TMPRSS7: variants seen among roughly 807,000 people sequenced by gnomAD.
TMPRSS7 encodes the protein transmembrane serine protease 7, also known as transmembrane protease serine 7.
A neutral mutation model predicts 95.6 loss-of-function variants in TMPRSS7; 81 were observed. The observed-to-expected ratio is 0.85, with a 90% confidence interval of 0.71 to 1.02. The LOEUF (loss-of-function observed/expected upper bound fraction) is 1.02, where lower values mean the gene tolerates loss of function less well. TMPRSS7 is among the 50% of genes least tolerant of loss of function. TMPRSS7 has a pLI of 0.00. For synonymous variants in TMPRSS7, 364 were observed against 337.8 expected (o/e 1.08, Z -0.85); for missense variants, 945 against 955.2 (o/e 0.99, Z 0.14).
intron 9 of TMPRSS7, among the ~76,000 whole-genome samples, chr3:112,052,252 G>A (rs551527124): frequency 5.3e-5 from 8 of 152,102 alleles, no homozygotes; most frequent in African/African-American, 1.9e-4. Context: ...GGACATTTGC[G>A]GATAAACCTG....
chr3:112,049,864 C>T (rs1307194115), exon 8 of TMPRSS7: 2 of 1,538,194 alleles, frequency 1.3e-6, no homozygotes, highest in African/African-American at 1.4e-5. Context: ...CCCACAAGAA[C>T]ATTAATGTCA....
intron 9 of TMPRSS7, among the ~76,000 whole-genome samples, chr3:112,054,564 T>G (rs1377522173): frequency 6.6e-6 from 1 of 152,132 alleles, no homozygotes. Flanking sequence ...GGAGGAACTC[T>G]GTGGATTGGA....
intron 11 of TMPRSS7, among the ~76,000 whole-genome samples, chr3:112,062,545 C>A (rs1475482249): frequency 1.3e-5 from 2 of 152,214 alleles, no homozygotes; most frequent in Non-Finnish European, 2.9e-5. Context: ...AGATTGCCCA[C>A]TGAAGAGTCC....
intron 12 of TMPRSS7, 29 bp downstream of exon 12, chr3:112,063,661 T>C (rs760227508): frequency 1.3e-6 from 2 of 1,556,220 alleles, no homozygotes; most frequent in Non-Finnish European, 1.8e-6. Flanking sequence ...AATATGACTT[T>C]CTTATGAATA....
At chr3:112,057,391 T>C (rs1304232191) in intron 10 of TMPRSS7, among the ~76,000 whole-genome samples, 1 of 152,014 alleles carries the variant, frequency 6.6e-6, no homozygotes, top group African/African-American at 2.4e-5. Context: ...TTCACAAGAG[T>C]ATTTGGCAGA....
chr3:112,043,600 T>C (rs1375792098), intron 3 of TMPRSS7, among the ~76,000 whole-genome samples: 3 of 152,226 alleles, frequency 2.0e-5, no homozygotes, highest in Non-Finnish European at 4.4e-5. Flanking sequence ...TGGGCAATTA[T>C]GTAAGTGGTT....
Position 112,047,788 on chromosome 3 carries a change from C to A in TMPRSS7, c.780C>A (p.Tyr260Ter). The change falls in exon 7 of 18, where the codon TAC (tyrosine) becomes TAA (stop). Residue 260 changes from tyrosine to a stop codon, truncating the protein, a stop_gained. Coordinates refer to ENST00000452346, the Ensembl canonical transcript of TMPRSS7. LOFTEE classifies it high-confidence loss of function. ...ATGCAGAGCATCTGTCTCTCCACTACCCGCTGGAGATTTCTGCAGCCTCAG... is the reference window on the plus strand; with the variant it reads ...ATGCAGAGCATCTGTCTCTCCACTAACCGCTGGAGATTTCTGCAGCCTCAG... 3 of 1,614,038 alleles carry A rather than the reference C, an allele frequency of 1.9e-6. No homozygotes were observed. Among genetic ancestry groups the A allele is most frequent in the Non-Finnish European group, 2.5e-6 (3 of 1,179,910 alleles).
intron 16 of TMPRSS7, among the ~76,000 whole-genome samples, chr3:112,077,511 C>A (rs957119813): frequency 1.3e-5 from 2 of 152,144 alleles, no homozygotes; most frequent in African/African-American, 4.8e-5. Flanking sequence ...GAGAAGGACA[C>A]ACATGCACAT....
At chr3:112,077,191 T>A in intron 16 of TMPRSS7, 47 bp downstream of exon 16, 1 of 1,592,992 alleles carries the variant, frequency 6.3e-7, no homozygotes, top group Non-Finnish European at 8.6e-7. Flanking sequence ...CAGAGGATGA[T>A]AAGGTGTTTA....
chr3:112,077,063 A>G lies in TMPRSS7; in HGVS notation c.2143A>G (p.Ile715Val), dbSNP rs201234857. The G allele has an allele frequency of 1.1e-4, 172 of 1,614,218 alleles. 1 individual carries two copies. In the East Asian group the frequency reaches 3.6e-3, roughly 34 times the overall value. Residue 715 changes from isoleucine (I) to valine (V), a missense_variant, in exon 16 of 18, where the codon ATA becomes GTA. Transcript: ENST00000452346. ...GACCCTGAAACAGCTCATTCAGCCA[A>G]TATGCATTCCTCCCACTGGTCAGAG...
At chr3:112,072,394 A>T (rs1188513921) in intron 13 of TMPRSS7, among the ~76,000 whole-genome samples, 3 of 152,210 alleles carry the variant, frequency 2.0e-5, no homozygotes, top group Non-Finnish European at 4.4e-5. Flanking sequence ...CCCTACTGGG[A>T]GGTGTCTCCC....
rs78489211 is a variant in TMPRSS7, at chr3:112,081,015, T to C, written c.2463T>C (p.Phe821=). The C allele has an allele frequency of 7.9e-3, 12,819 of 1,613,864 alleles. 318 individuals carry two copies. Among genetic ancestry groups the C allele is most frequent in the African/African-American group, 0.063 (4,762 of 75,002 alleles). Residue 821 remains phenylalanine (F), a synonymous_variant, in exon 18 of 18, where the codon TTT becomes TTC. Coordinates refer to ENST00000452346, the Ensembl canonical transcript of TMPRSS7. Reference sequence around the variant, plus strand: ...GACATGGAAGTGGACGACCAAACTTTCCTGGTGTTTACACAAGGGTGTCAA... The same window carrying C: ...GACATGGAAGTGGACGACCAAACTTCCCTGGTGTTTACACAAGGGTGTCAA...
At chr3:112,051,237 C>A (rs989987479) in intron 9 of TMPRSS7, among the ~76,000 whole-genome samples, 3 of 151,928 alleles carry the variant, frequency 2.0e-5, no homozygotes, top group African/African-American at 7.3e-5. Context: ...TAAAATACAA[C>A]AATAAACAAT....
At chr3:112,058,486 T>A (rs184818202) in intron 10 of TMPRSS7, among the ~76,000 whole-genome samples, 2 of 152,344 alleles carry the variant, frequency 1.3e-5, no homozygotes, top group Admixed American at 1.3e-4. Context: ...TGTTTGTTTT[T>A]TGGTTTGCAT....
At chr3:112,046,931 A>C in intron 5 of TMPRSS7, 43 bp from the exon 6 acceptor site, 1 of 696,552 alleles carries the variant, frequency 1.4e-6, no homozygotes, top group South Asian at 1.5e-5. Context: ...AACAAAATGA[A>C]ATGATAGGAT....
At chr3:112,061,460 T>C (rs550902988) in intron 10 of TMPRSS7, among the ~76,000 whole-genome samples, 64 of 152,318 alleles carry the variant, frequency 4.2e-4, no homozygotes, top group African/African-American at 1.5e-3. Flanking sequence ...AAGCAGGCAA[T>C]TCTTACATTA....
exon 8 of TMPRSS7, chr3:112,049,950 T>C: frequency 6.4e-7 from 1 of 1,572,640 alleles, no homozygotes; most frequent in Non-Finnish European, 8.7e-7. Flanking sequence ...AATCCGGGCA[T>C]ATTTTGAGGT....
chr3:112,041,965 G>C (rs11914332), exon 3 of TMPRSS7: 47,874 of 1,551,246 alleles, frequency 0.031, 936 homozygotes, highest in African/African-American at 0.071. Context: ...GGGATGTTTC[G>C]CATCACCAAC....
chr3:112,047,135 A>T, intron 6 of TMPRSS7, 123 bp downstream of exon 6: 1 of 657,548 alleles, frequency 1.5e-6, no homozygotes, highest in South Asian at 1.7e-5. Flanking sequence ...AAATGCATTC[A>T]AACTGCCTTA....
Sources: allele counts gnomAD v4.1 joint callset (sites outside exome capture counted in the v4.1 genomes callset), GRCh38; gene constraint gnomAD v4.1.1; transcripts MANE v1.5; gene names NCBI Gene and HGNC (gene_info 2026-07-23, HGNC 2026-07-21).